Variants in LRBA observed in about 807,000 individuals in gnomAD.
LRBA encodes LPS responsive beige-like anchor protein.
Under a neutral mutation model 330.0 loss-of-function variants are expected in LRBA, and 176 were observed. The ratio of observed to expected loss-of-function variants is 0.53; its 90% confidence interval spans 0.47 to 0.60. The LOEUF (loss-of-function observed/expected upper bound fraction) is 0.60. Among genes scored for constraint, LRBA ranks in the 20% least tolerant of loss-of-function variants. The probability of loss-of-function intolerance (pLI) is 0.00; values close to 1 mark genes in which losing one functional copy is unlikely to be tolerated. For missense variants in LRBA, 3,259 were observed against 3,444.8 expected (o/e 0.95, Z 1.35); for synonymous variants, 1,230 against 1,193.0 (o/e 1.03, Z -0.64).
At chr4:150,353,493 G>A (rs1271894667) in intron 47 of LRBA, among the ~76,000 whole-genome samples, 1 of 151,940 alleles carries the variant, frequency 6.6e-6, no homozygotes, top group Non-Finnish European at 1.5e-5. Flanking sequence ...TAAAAACTAG[G>A]GCAATTTTAT....
chr4:150,454,157 T>A (rs1025123001), intron 44 of LRBA, among the ~76,000 whole-genome samples: 1 of 151,970 alleles, frequency 6.6e-6, no homozygotes, highest in East Asian at 1.9e-4. Context: ...GACAGGGTTT[T>A]ACCATGTTGG....
intron 37 of LRBA, among the ~76,000 whole-genome samples, chr4:150,614,380 C>A (rs1450120725): frequency 1.3e-5 from 2 of 151,864 alleles, no homozygotes; most frequent in African/African-American, 4.8e-5. Context: ...ATCACTTTCA[C>A]AAGAAAGTGG....
chr4:150,490,733 G>C (rs934042512), intron 41 of LRBA, among the ~76,000 whole-genome samples, 185 bp downstream of exon 41: 2 of 151,814 alleles, frequency 1.3e-5, no homozygotes, highest in African/African-American at 2.4e-5. Context: ...AATTACAAAT[G>C]ATTCTATTAA....
intron 36 of LRBA, among the ~76,000 whole-genome samples, chr4:150,684,785 A>G (rs982411731): frequency 6.6e-6 from 1 of 152,112 alleles, no homozygotes; most frequent in Non-Finnish European, 1.5e-5. Context: ...AGTAACATAA[A>G]CTTGATGTTG....
At chr4:150,464,229 C>T (rs1755153567) in intron 44 of LRBA, among the ~76,000 whole-genome samples, 1 of 151,986 alleles carries the variant, frequency 6.6e-6, no homozygotes, top group Admixed American at 6.6e-5. Flanking sequence ...GAAGGCAAGG[C>T]AATACTTCTA....
At chr4:150,737,957 T>TCC (rs571865172) in intron 35 of LRBA, among the ~76,000 whole-genome samples, 210 of 142,840 alleles carry the variant, frequency 1.5e-3, no homozygotes, top group African/African-American at 5.1e-3. Context: ...TCTAACCCCC[T>TCC]CCTCAAGTCA....
chr4:150,896,521 C>T, intron 15 of LRBA, 65 bp from the exon 16 acceptor site: 5 of 818,084 alleles, frequency 6.1e-6, no homozygotes, highest in Non-Finnish European at 1.0e-5. Flanking sequence ...AGAAATTATA[C>T]ACATAGATTT....
intron 37 of LRBA, among the ~76,000 whole-genome samples, chr4:150,653,995 C>T (rs1415622742): frequency 6.6e-6 from 1 of 152,152 alleles, no homozygotes. Flanking sequence ...GAAGGCCCCA[C>T]TGGGAATCTT....
rs572274709 is a variant in LRBA, at chr4:150,729,660, G to T, written c.5754+5598C>A. Among the ~76,000 whole-genome samples the T allele has an allele frequency of 6.6e-5, 10 of 152,144 alleles. No individual in the cohort carries two copies. The East Asian group carries it at 1.9e-3, about 29-fold the overall frequency. On this transcript the variant is annotated intron_variant, in intron 36 of 56. Coordinates refer to ENST00000651943, the MANE Select transcript of LRBA (RefSeq NM_001364905.1). Reference sequence around the variant, plus strand: ...AAAACAAAACCCTAAAATTTATGTGGAATCACAAGAGACTCAAAATAGCCA... The same window carrying T: ...AAAACAAAACCCTAAAATTTATGTGTAATCACAAGAGACTCAAAATAGCCA...
intron 2 of LRBA, among the ~76,000 whole-genome samples, chr4:151,007,364 G>A (rs1744196551): frequency 6.6e-6 from 1 of 152,054 alleles, no homozygotes; most frequent in Non-Finnish European, 1.5e-5. Flanking sequence ...AACTAGCCAG[G>A]CCTGGTGGCA....
intron 46 of LRBA, among the ~76,000 whole-genome samples, chr4:150,426,587 ATAT>A (rs1044246914): frequency 6.6e-6 from 1 of 151,944 alleles, no homozygotes; most frequent in Admixed American, 6.6e-5. Context: ...TATACATAAG[ATAT>A]TATTATCATT....
At chr4:150,840,952 A>G (rs893110507) in intron 28 of LRBA, 3 of 1,181,984 alleles carry the variant, frequency 2.5e-6, no homozygotes, top group Middle Eastern at 2.3e-4. Context: ...GATAGGCTCA[A>G]TTTGAACATA....
rs1381348343 is a variant in LRBA, at chr4:150,852,236, T to C, written c.3474A>G (p.Glu1158=). 2.5e-6 allele frequency: 4 copies of C among 1,614,158 alleles called. No individual in the cohort carries two copies. The highest frequency in any genetic ancestry group is 3.4e-6 in the Non-Finnish European group (4 of 1,180,002). Residue 1158 remains glutamate (E), a synonymous_variant, in exon 23 of 57, where the codon GAA becomes GAG. Transcript: ENST00000651943. ...TTTGCTTTTCAGTAACAGGTTTTCCTTCTTGAAATATTAATTTGTCATCAT... is the reference window on the plus strand; with the variant it reads ...TTTGCTTTTCAGTAACAGGTTTTCCCTCTTGAAATATTAATTTGTCATCAT... ...FGNDDKLIFQ[E]GKPVTEKQTD...
chr4:150,272,106 G>A (rs774174873), intron 56 of LRBA, among the ~76,000 whole-genome samples: 5 of 152,134 alleles, frequency 3.3e-5, no homozygotes, highest in Non-Finnish European at 7.3e-5. Context: ...AGGCCCCTCT[G>A]GAATGAAGCT....
At chr4:150,697,344 A>AAAAAAAAC (rs1784737666) in intron 36 of LRBA, among the ~76,000 whole-genome samples, 1 of 148,740 alleles carries the variant, frequency 6.7e-6, no homozygotes, top group African/African-American at 2.5e-5. Context: ...AAAAAAAAAA[A>AAAAAAAAC]AAAAAAACAG....
chr4:150,641,481 T>C (rs1051349316), intron 37 of LRBA, among the ~76,000 whole-genome samples: 2 of 152,292 alleles, frequency 1.3e-5, no homozygotes, highest in African/African-American at 4.8e-5. Flanking sequence ...GGAAATAATG[T>C]AGTCAGTCTT....
At chr4:150,722,268 A>C (rs1462621480) in intron 36 of LRBA, among the ~76,000 whole-genome samples, 1 of 152,236 alleles carries the variant, frequency 6.6e-6, no homozygotes, top group Non-Finnish European at 1.5e-5. Flanking sequence ...AAATATTCTT[A>C]AACATGGAAG....
Position 150,321,138 on chromosome 4 carries a change from A to G in LRBA, c.7630+53T>C, listed in dbSNP as rs1732451617. ...TGAGATATGCTATATTTAAGTGGGT[A>G]TTACACAGTGTTCAGCAGTTACCAT... On this transcript the variant is annotated intron_variant, in intron 50 of 56. Transcript: ENST00000651943. This position sits in a 1 kb window ranked among gnomAD's most constrained non-coding sequence, Gnocchi z 4.5. 6.9e-7 allele frequency: 1 copy of G among 1,439,086 alleles called. No homozygotes were observed. Among genetic ancestry groups the G allele is most frequent in the South Asian group, 1.2e-5 (1 of 80,210 alleles). The allele number at this position is 1,439,086 out of a possible 1,614,324, so 89.1% of individuals were successfully genotyped here.
At chr4:150,330,514 G>A (rs1411035953) in intron 48 of LRBA, among the ~76,000 whole-genome samples, 1 of 152,176 alleles carries the variant, frequency 6.6e-6, no homozygotes, top group African/African-American at 2.4e-5. Flanking sequence ...GCTTGGAGGG[G>A]TGGATATGGT....
Sources: gnomAD v4.1 joint callset for allele counts (sites outside exome capture counted in the v4.1 genomes callset) on GRCh38, gnomAD v4.1.1 for gene constraint, Gnocchi (gnomAD v3.1) non-coding constraint, MANE v1.5 for transcripts, NCBI Gene and HGNC (gene_info 2026-07-23, HGNC 2026-07-21) for gene names.